Variants in LAMB4 observed in about 807,000 individuals in gnomAD.
LAMB4 encodes laminin subunit beta 4, also known as laminin subunit beta-4.
Under a neutral mutation model 199.2 loss-of-function variants are expected in LAMB4, and 196 were observed. The ratio of observed to expected loss-of-function variants is 0.98; its 90% CI spans 0.88 to 1.11. The LOEUF is 1.11. LAMB4 is among the 50% of genes least tolerant of loss of function. The probability of loss-of-function intolerance (pLI) is 0.00; values close to 1 mark genes in which losing one functional copy is unlikely to be tolerated. For synonymous variants in LAMB4, 744 were observed against 770.6 expected (o/e 0.97, Z 0.57); for missense variants, 2,080 against 2,171.2 (o/e 0.96, Z 0.83).
intron 23 of LAMB4, among the ~76,000 whole-genome samples, chr7:108,061,392 C>G: frequency 6.6e-6 from 1 of 152,046 alleles, no homozygotes. Context: ...TCTCTGTTCT[C>G]TCTTTACAAC....
intron 1 of LAMB4, among the ~76,000 whole-genome samples, chr7:108,129,225 A>G (rs2038897662): frequency 6.6e-6 from 1 of 152,234 alleles, no homozygotes. Context: ...CCACAGGTGC[A>G]TCGTGTTTGA....
chr7:108,093,065 T>C (rs2037471057), intron 12 of LAMB4, among the ~76,000 whole-genome samples: 1 of 152,176 alleles, frequency 6.6e-6, no homozygotes, highest in Admixed American at 6.5e-5. Context: ...AGCCTATGTG[T>C]AACTGCCTGT....
intron 33 of LAMB4, chr7:108,026,739 C>A: frequency 3.2e-6 from 1 of 313,998 alleles, no homozygotes; most frequent in East Asian, 8.5e-5. Context: ...AGAGTCCATT[C>A]CCCACTCTCT....
chr7:108,013,808 C>T, the LAMB4 span, among the ~76,000 whole-genome samples: 24 of 152,080 alleles, frequency 1.6e-4, no homozygotes, highest in African/African-American at 5.8e-4. Flanking sequence ...TCCAAATGAC[C>T]ATCAATAGGA....
At chr7:108,029,750 A>C (rs1053600924) in intron 32 of LAMB4, among the ~76,000 whole-genome samples, 1 of 152,206 alleles carries the variant, frequency 6.6e-6, no homozygotes, top group African/African-American at 2.4e-5. Context: ...GTGTGTTGAC[A>C]ACCTAGAAGG....
chr7:108,095,626 C>A (rs2037567003), intron 11 of LAMB4, among the ~76,000 whole-genome samples: 1 of 152,160 alleles, frequency 6.6e-6, no homozygotes, highest in Non-Finnish European at 1.5e-5. Context: ...GGCACAGTAA[C>A]CCTAAGTGAT....
At chr7:108,087,108 T>C (rs1357653361) in intron 14 of LAMB4, among the ~76,000 whole-genome samples, 1 of 152,132 alleles carries the variant, frequency 6.6e-6, no homozygotes, top group Non-Finnish European at 1.5e-5. Flanking sequence ...ATGATCCTGG[T>C]AGGGGGAGCA....
chr7:108,015,748 CTTTTTTT>C, the LAMB4 span, among the ~76,000 whole-genome samples: 5 of 123,494 alleles, frequency 4.0e-5, no homozygotes, highest in African/African-American at 1.1e-4. Context: ...GTTTTGAAGA[CTTTTTTT>C]TTTTTTTTTT....
chr7:108,111,879 T>C lies in LAMB4; in HGVS notation c.260A>G (p.His87Arg). The C allele has an allele frequency of 6.2e-7, 1 of 1,612,360 alleles. No homozygotes were observed. Among genetic ancestry groups the C allele is most frequent in the Non-Finnish European group, 8.5e-7 (1 of 1,179,080 alleles). The change falls in exon 4 of 34, where the codon CAC becomes CGC. Residue 87 changes from histidine (H) to arginine (R), a missense_variant. Transcript: ENST00000388781. ...ACTTACAATGACATTCTCAATGGTG[T>C]GGCTGTTGGGTTGGTCATACGGATC... ...PYDPYDQPNS[H>R]TIENVIVSFE...
At position 108,063,746 on chromosome 7, in the gene LAMB4, GT is replaced by G; in HGVS notation, c.3061+14del. 1.9e-6 allele frequency: 3 copies of G among 1,605,558 alleles called. No individual in the cohort carries two copies. Among genetic ancestry groups the G allele is most frequent in the African/African-American group, 1.3e-5 (1 of 74,864 alleles). On this transcript the variant is annotated intron_variant, in intron 22 of 33. Transcript: ENST00000388781. ...TCAGCTGACACATTTCCCCCTGGGA[GT>G]TTTGCAGACTTACTTCTGCAGGTCT...
At chr7:108,048,686 TTTATTTAA>T (rs1431438321) in intron 27 of LAMB4, among the ~76,000 whole-genome samples, 1 of 150,080 alleles carries the variant, frequency 6.7e-6, no homozygotes, top group African/African-American at 2.5e-5. Context: ...AGTTTCACTT[TTTATTTAA>T]TTATTTATTT....
downstream of LAMB4, among the ~76,000 whole-genome samples, chr7:108,019,928 G>T (rs2034654659): frequency 2.0e-5 from 3 of 152,084 alleles, no homozygotes; most frequent in South Asian, 6.2e-4. Context: ...GAAGATACAG[G>T]ATAGTCTCCT....
intron 32 of LAMB4, among the ~76,000 whole-genome samples, chr7:108,030,604 C>G (rs1023381922): frequency 3.9e-5 from 6 of 152,140 alleles, no homozygotes; most frequent in African/African-American, 1.4e-4. Flanking sequence ...AGGAAACACT[C>G]CAACATGATT....
chr7:108,129,227 C>T (rs1237761726), intron 1 of LAMB4, among the ~76,000 whole-genome samples: 7 of 152,298 alleles, frequency 4.6e-5, no homozygotes, highest in African/African-American at 1.4e-4. Context: ...ACAGGTGCAT[C>T]GTGTTTGATA....
intron 2 of LAMB4, among the ~76,000 whole-genome samples, chr7:108,122,194 G>T (rs887962121): frequency 3.3e-5 from 5 of 152,226 alleles, no homozygotes; most frequent in African/African-American, 1.2e-4. Flanking sequence ...CTATACAAAG[G>T]CTGGGGAGAA....
chr7:108,093,561 A>G (rs2037489776), intron 12 of LAMB4, among the ~76,000 whole-genome samples: 1 of 151,968 alleles, frequency 6.6e-6, no homozygotes, highest in Non-Finnish European at 1.5e-5. Context: ...AATCCATATG[A>G]GAGAGTCAAC....
At chr7:108,042,024 T>C (rs2035438561) in intron 29 of LAMB4, among the ~76,000 whole-genome samples, 1 of 152,312 alleles carries the variant, frequency 6.6e-6, no homozygotes, top group African/African-American at 2.4e-5. Flanking sequence ...GATACATCCC[T>C]TTGTTAATAA....
At chr7:108,061,010 A>G (rs1320141838) in intron 23 of LAMB4, among the ~76,000 whole-genome samples, 2 of 152,218 alleles carry the variant, frequency 1.3e-5, no homozygotes, top group Non-Finnish European at 2.9e-5. Flanking sequence ...AACAGGGATA[A>G]GTCGTGTTAA....
At chr7:108,091,483 A>T (rs1157606285) in intron 14 of LAMB4, 143 bp downstream of exon 14, 14 of 852,844 alleles carry the variant, frequency 1.6e-5, no homozygotes, top group Non-Finnish European at 2.2e-5. Context: ...CTGCATTTGC[A>T]GGTTATAATA....
Sources: allele counts gnomAD v4.1 joint callset (sites outside exome capture counted in the v4.1 genomes callset), GRCh38; gene constraint gnomAD v4.1.1; transcripts MANE v1.5; gene names NCBI Gene and HGNC (gene_info 2026-07-23, HGNC 2026-07-21).